TTC28: variants seen among roughly 807,000 people sequenced by gnomAD.
TTC28 encodes tetratricopeptide repeat protein 28.
Under a neutral mutation model 198.0 loss-of-function variants are expected in TTC28, and 61 were observed. The ratio of observed to expected loss-of-function variants is 0.31; its 90% CI spans 0.25 to 0.38. The LOEUF is 0.38. Ranked by LOEUF, TTC28 falls within the 10% of genes least tolerant of loss-of-function variation. TTC28 has a pLI of 1.00. For synonymous variants in TTC28, 1,171 were observed against 1,297.8 expected (o/e 0.90, Z 2.10); for missense variants, 2,678 against 3,164.0 (o/e 0.85, Z 3.69).
chr22:28,499,088 G>C (rs2048499309), intron 2 of TTC28, among the ~76,000 whole-genome samples: 1 of 152,178 alleles, frequency 6.6e-6, no homozygotes, highest in Non-Finnish European at 1.5e-5. Flanking sequence ...TGAGGTTGGG[G>C]GATTGTTTGA....
chr22:28,085,405 C>T (rs2146825110), intron 12 of TTC28, among the ~76,000 whole-genome samples: 1 of 152,162 alleles, frequency 6.6e-6, no homozygotes, highest in East Asian at 1.9e-4. Context: ...CATATCCAGC[C>T]AAACTAAGCT....
chr22:28,223,495 C>A (rs2147208574), intron 5 of TTC28, among the ~76,000 whole-genome samples: 1 of 152,290 alleles, frequency 6.6e-6, no homozygotes, highest in South Asian at 2.1e-4. Context: ...TGATGAGCTT[C>A]AAACATCTGT....
At chr22:28,220,595 A>C (rs1927778134) in intron 5 of TTC28, among the ~76,000 whole-genome samples, 1 of 152,210 alleles carries the variant, frequency 6.6e-6, no homozygotes, top group Non-Finnish European at 1.5e-5. Flanking sequence ...GGGGTTCCCC[A>C]ATATAGCTAC....
At chr22:28,580,208 G>C (rs1200667299) in intron 2 of TTC28, among the ~76,000 whole-genome samples, 1 of 152,074 alleles carries the variant, frequency 6.6e-6, no homozygotes, top group Non-Finnish European at 1.5e-5. Flanking sequence ...GTGGATAACT[G>C]CACCTTCCTA....
At chr22:28,651,039 G>C (rs1356866497) in intron 1 of TTC28, among the ~76,000 whole-genome samples, 1 of 152,160 alleles carries the variant, frequency 6.6e-6, no homozygotes, top group Non-Finnish European at 1.5e-5. Flanking sequence ...GTGCTACAGT[G>C]GTGGGACTCA....
chr22:28,221,461 G>C (rs1239631677), intron 5 of TTC28, among the ~76,000 whole-genome samples: 1 of 152,220 alleles, frequency 6.6e-6, no homozygotes, highest in African/African-American at 2.4e-5. Flanking sequence ...AGGTATTGGT[G>C]TTGGGAGCTA....
intron 6 of TTC28, among the ~76,000 whole-genome samples, chr22:28,162,381 C>A (rs1181114958): frequency 6.6e-6 from 1 of 152,128 alleles, no homozygotes; most frequent in African/African-American, 2.4e-5. Context: ...GGTTAATTCA[C>A]CAAGTAAAGA....
chr22:28,183,204 C>A (rs1176355967), intron 5 of TTC28, among the ~76,000 whole-genome samples: 4 of 152,036 alleles, frequency 2.6e-5, no homozygotes, highest in Non-Finnish European at 5.9e-5. Context: ...GGACTACAGA[C>A]ACACACCACT....
At chr22:28,631,203 G>A (rs1237371781) in intron 1 of TTC28, among the ~76,000 whole-genome samples, 1 of 152,162 alleles carries the variant, frequency 6.6e-6, no homozygotes, top group African/African-American at 2.4e-5. Context: ...TAGAAAGGTT[G>A]TGGAGCATTT....
intron 12 of TTC28, among the ~76,000 whole-genome samples, chr22:28,038,049 C>T (rs1156596610): frequency 1.3e-5 from 2 of 152,154 alleles, no homozygotes; most frequent in South Asian, 2.1e-4. Context: ...ACATTCCATG[C>T]TCATGGACAG....
chr22:28,450,181 T>C (rs575499565), intron 2 of TTC28, among the ~76,000 whole-genome samples: 2 of 152,252 alleles, frequency 1.3e-5, no homozygotes, highest in South Asian at 2.1e-4. Flanking sequence ...CATATATATA[T>C]AAAGCCTTAG....
intron 2 of TTC28, among the ~76,000 whole-genome samples, chr22:28,361,421 A>C (rs1368263030): frequency 6.6e-6 from 1 of 152,132 alleles, no homozygotes; most frequent in Non-Finnish European, 1.5e-5. Context: ...ACATTCCCTT[A>C]AGCCAAAGTC....
chr22:28,019,533 T>G (rs1938507997), intron 13 of TTC28, among the ~76,000 whole-genome samples: 1 of 152,196 alleles, frequency 6.6e-6, no homozygotes, highest in South Asian at 2.1e-4. Context: ...CACCCCAGGC[T>G]CTGAGCCCCA....
chr22:28,328,756 AAATAATAATAATAATAATAATAATAAT>A (rs199948599), intron 2 of TTC28, among the ~76,000 whole-genome samples: 6 of 134,408 alleles, frequency 4.5e-5, no homozygotes, highest in Admixed American at 2.3e-4. Flanking sequence ...TCTGTCTCAA[AAATAATAATAATAATAATAATAATAAT>A]AATAATAATA....
intron 2 of TTC28, among the ~76,000 whole-genome samples, chr22:28,624,059 A>T (rs570923194): frequency 6.6e-6 from 1 of 152,342 alleles, no homozygotes; most frequent in Admixed American, 6.5e-5. Flanking sequence ...GTGAAAGATA[A>T]AATGCACTAC....
intron 2 of TTC28, among the ~76,000 whole-genome samples, chr22:28,589,531 T>C (rs2146084015): frequency 6.6e-6 from 1 of 152,318 alleles, no homozygotes; most frequent in African/African-American, 2.4e-5. Context: ...CCTTTTCCTG[T>C]CTATATTGAC....
chr22:28,013,164 T>C lies in TTC28; in HGVS notation c.4218+1084A>G, dbSNP rs181269559. ...GCAGATGTGGTTTCCCGGGGATACA[T>C]TTCTCCTCCGTCATTTGGCTGGAGC... On this transcript the variant is annotated intron_variant, in intron 14 of 22. Coordinates refer to ENST00000397906, the MANE Select transcript of TTC28 (RefSeq NM_001145418.2). 2.3e-3 allele frequency among the ~76,000 whole-genome samples: 357 copies of C among 152,298 alleles called. 1 individual carries two copies. The highest frequency in any genetic ancestry group is 5.3e-4 in the Non-Finnish European group (36 of 68,016).
At chr22:28,402,132 G>A (rs2046921380) in intron 2 of TTC28, among the ~76,000 whole-genome samples, 2 of 152,174 alleles carry the variant, frequency 1.3e-5, no homozygotes, top group Non-Finnish European at 2.9e-5. Context: ...TTTAATCCCA[G>A]AAATGGTAGA....
At chr22:28,326,975 AACACACACACACACACACACACACACAC>A (rs57349023) in intron 2 of TTC28, among the ~76,000 whole-genome samples, 2 of 142,842 alleles carry the variant, frequency 1.4e-5, no homozygotes, top group African/African-American at 2.7e-5. Context: ...CACAAACACA[AACACACACACACACACACACACACACAC>A]ACACACACAC....
Sources: gnomAD v4.1 joint callset for allele counts (sites outside exome capture counted in the v4.1 genomes callset) on GRCh38, gnomAD v4.1.1 for gene constraint, MANE v1.5 for transcripts, NCBI Gene and HGNC (gene_info 2026-07-23, HGNC 2026-07-21) for gene names.